VIRMA: variants seen among roughly 807,000 people sequenced by gnomAD.
VIRMA encodes the protein protein virilizer homolog.
Under a neutral mutation model 182.4 loss-of-function variants are expected in VIRMA, and 65 were observed. The observed-to-expected ratio is 0.36, with a 90% CI of 0.29 to 0.44. The LOEUF (loss-of-function observed/expected upper bound fraction) is 0.44. Ranked by LOEUF, VIRMA falls within the 20% of genes least tolerant of loss-of-function variation. The pLI, the probability that VIRMA is intolerant of heterozygous loss-of-function variation, is 1.00. For synonymous variants in VIRMA, 709 were observed against 743.1 expected (o/e 0.95, Z 0.75); for missense variants, 1,752 against 2,158.1 (o/e 0.81, Z 3.73).
intron 5 of VIRMA, among the ~76,000 whole-genome samples, chr8:94,533,293 C>T (rs891990083): frequency 6.6e-6 from 1 of 152,034 alleles, no homozygotes; most frequent in Non-Finnish European, 1.5e-5. Flanking sequence ...AAAAAGAGCT[C>T]ACACCACATT....
intron 11 of VIRMA, among the ~76,000 whole-genome samples, chr8:94,514,507 C>A (rs1037467055): frequency 6.6e-6 from 1 of 152,212 alleles, no homozygotes; most frequent in East Asian, 1.9e-4. Context: ...GAGTGAAATT[C>A]TTTTTCAGAA....
chr8:94,535,489 AAAGT>A (rs1477019988), intron 4 of VIRMA, among the ~76,000 whole-genome samples: 1 of 152,204 alleles, frequency 6.6e-6, no homozygotes, highest in Non-Finnish European at 1.5e-5. Context: ...TGTACATTAA[AAAGT>A]AAGGGAATTA....
chr8:94,551,150 T>G (rs1306085665), intron 1 of VIRMA, among the ~76,000 whole-genome samples: 1 of 152,160 alleles, frequency 6.6e-6, no homozygotes, highest in African/African-American at 2.4e-5. Context: ...TAGAATGCCC[T>G]CCTTTCCTAA....
At chr8:94,542,919 CT>C (rs1366863297) in intron 2 of VIRMA, among the ~76,000 whole-genome samples, 1 of 151,792 alleles carries the variant, frequency 6.6e-6, no homozygotes, top group Non-Finnish European at 1.5e-5. Context: ...AACTCTTTTT[CT>C]TTTTTTTGAG....
intron 3 of VIRMA, among the ~76,000 whole-genome samples, chr8:94,538,030 G>A (rs776680783): frequency 1.3e-5 from 2 of 152,260 alleles, no homozygotes; most frequent in East Asian, 3.9e-4. Flanking sequence ...ACACATGCAC[G>A]AGTCACAAGT....
At position 94,519,207 on chromosome 8, in the gene VIRMA, G is replaced by A; in HGVS notation, c.2291C>T (p.Ser764Leu). The A allele has an allele frequency of 2.5e-6, 4 of 1,614,070 alleles. No individual in the cohort carries two copies. Among genetic ancestry groups the A allele is most frequent in the Non-Finnish European group, 3.4e-6 (4 of 1,179,980 alleles). The part of the protein sequence containing the change: ...DDAFALWLQD[S>L]TQTLQCITEL... ...TGTAATACATTGCAATGTCTGTGTT[G>A]AGTCCTGTAGCCACAAGGCAAATGC... The change falls in exon 9 of 24, where the codon TCA becomes TTA. Residue 764 changes from serine (S) to leucine (L), a missense_variant. Transcript: ENST00000297591.
intron 19 of VIRMA, among the ~76,000 whole-genome samples, chr8:94,495,384 TA>T (rs993175285): frequency 2.0e-5 from 3 of 151,938 alleles, no homozygotes; most frequent in African/African-American, 7.2e-5. Context: ...AAGTAGTACC[TA>T]AAAAAGAAAC....
At chr8:94,548,545 T>C (rs74407345) in intron 1 of VIRMA, among the ~76,000 whole-genome samples, 6 of 151,180 alleles carry the variant, frequency 4.0e-5, no homozygotes, top group Non-Finnish European at 8.8e-5. Context: ...TCCACTCATA[T>C]ACTTGTTTAC....
At chr8:94,492,408 C>A (rs1370719724) in intron 21 of VIRMA, among the ~76,000 whole-genome samples, 2 of 151,806 alleles carry the variant, frequency 1.3e-5, no homozygotes, top group South Asian at 2.1e-4. Context: ...CTCAGCCTCC[C>A]GAGTAGCTGG....
At chr8:94,522,290 C>T (rs781015794) in intron 8 of VIRMA, among the ~76,000 whole-genome samples, 38 of 151,874 alleles carry the variant, frequency 2.5e-4, no homozygotes, top group Admixed American at 7.2e-4. Context: ...ATGTCACAAC[C>T]TGTTGCTGTG....
At chr8:94,510,766 A>G (rs1814340177) in intron 13 of VIRMA, 114 bp from the exon 14 acceptor site, 1 of 820,822 alleles carries the variant, frequency 1.2e-6, no homozygotes, top group Non-Finnish European at 1.9e-6. Context: ...CATGCTTAAA[A>G]CATTTAATTT....
In VIRMA at chr8:94,488,685, A is replaced by T. The variant is rs1813523187; in HGVS notation, c.*21T>A. On this transcript the variant is annotated 3_prime_UTR_variant, in exon 24 of 24. Transcript: ENST00000297591. ...CCTCGTGAAATGTTCATATACAGTT[A>T]AGATGTTCCCAAAAGGATTTTTATC... 3.7e-6 allele frequency: 6 copies of T among 1,612,980 alleles called. No individual in the cohort carries two copies. The highest frequency in any genetic ancestry group is 1.7e-4 in the Middle Eastern group (1 of 6,056).
chr8:94,519,325 A>G lies in VIRMA; in HGVS notation c.2173T>C (p.Tyr725His). ...CGGATCAATAAATTTGTTGCTTCAT[A>G]TTCCGACATAAAAAAAAGAAGACCC... ...QKGLLFFMSE[Y>H]EATNLLIRAL... The change falls in exon 9 of 24, where the codon TAT (tyrosine) becomes CAT (histidine). Residue 725 changes from tyrosine to histidine, a missense_variant. Tyr to His is a moderately conservative substitution (Grantham distance 83). Transcript: ENST00000297591. 1.2e-6 allele frequency: 2 copies of G among 1,610,016 alleles called. No individual in the cohort carries two copies. The highest frequency in any genetic ancestry group is 1.7e-6 in the Non-Finnish European group (2 of 1,179,002).
chr8:94,510,829 T>C (rs902958305), intron 13 of VIRMA, 177 bp from the exon 14 acceptor site: 7 of 779,754 alleles, frequency 9.0e-6, no homozygotes, highest in African/African-American at 8.7e-5. Flanking sequence ...AAAAATCTTA[T>C]TGTTCTCAGG....
At chr8:94,491,257 T>C (rs1813598757) in intron 22 of VIRMA, among the ~76,000 whole-genome samples, 1 of 151,100 alleles carries the variant, frequency 6.6e-6, no homozygotes, top group Non-Finnish European at 1.5e-5. Context: ...GAGTTTGTAG[T>C]GAGCTGAGAT....
intron 16 of VIRMA, among the ~76,000 whole-genome samples, chr8:94,503,132 A>G (rs1305881227): frequency 9.6e-6 from 1 of 104,530 alleles, no homozygotes; most frequent in African/African-American, 3.7e-5. Context: ...CACCACAGTA[A>G]TAACTGCCAT....
chr8:94,517,808 T>G lies in VIRMA; in HGVS notation c.2648A>C (p.Glu883Ala). Residue 883 changes from glutamate (E) to alanine (A), a missense_variant, in exon 10 of 24, where the codon GAA becomes GCA. Coordinates refer to ENST00000297591, the MANE Select transcript of VIRMA (RefSeq NM_015496.5). The stretch of plus-strand genomic sequence containing the variant: ...CATACCTTGCAATTTAGCATTATTT[T>G]CATCTGCTTTACAAAGCTTCAAGAG... ...ASLLKLCKAD[E>A]NNAKLQELGK... The G allele has an allele frequency of 1.9e-6, 3 of 1,606,950 alleles. No homozygotes were observed. The highest frequency in any genetic ancestry group is 2.6e-6 in the Non-Finnish European group (3 of 1,175,810).
At chr8:94,546,190 C>G (rs1426263797) in intron 1 of VIRMA, among the ~76,000 whole-genome samples, 1 of 151,140 alleles carries the variant, frequency 6.6e-6, no homozygotes, top group Admixed American at 6.6e-5. Context: ...AGATTTTCAT[C>G]CACAGCCAGA....
chr8:94,494,534 G>C lies in VIRMA; in HGVS notation c.4641+326C>G, dbSNP rs532201951. 1.7e-3 allele frequency among the ~76,000 whole-genome samples: 233 copies of C among 133,720 alleles called. 1 individual carries two copies. Among genetic ancestry groups the C allele is most frequent in the Non-Finnish European group, 2.4e-3 (158 of 64,938 alleles). The allele number at this position is 133,720 out of a possible 152,430, so 87.7% of individuals were successfully genotyped here. ...TTGAACCCGGGAAACGGAGGTTGCA[G>C]TGAGCTGAGATTGTGCCACTGCACT... is the stretch of plus-strand genomic sequence containing the variant. On this transcript the variant is annotated intron_variant, in intron 20 of 23. Transcript: ENST00000297591.
Sources: gnomAD v4.1 joint callset for allele counts (sites outside exome capture counted in the v4.1 genomes callset) on GRCh38, gnomAD v4.1.1 for gene constraint, MANE v1.5 for transcripts, NCBI Gene and HGNC (gene_info 2026-07-23, HGNC 2026-07-21) for gene names.